The following GABRG3 variants were observed in gnomAD, a reference collection of about 807,000 sequenced individuals.
GABRG3 encodes gamma-aminobutyric acid type A receptor subunit gamma3.
GABRG3 carries 25 observed loss-of-function variants against 48.8 expected under a neutral mutation model. That is an observed-to-expected ratio of 0.51 (90% CI 0.37 to 0.72). The LOEUF (loss-of-function observed/expected upper bound fraction) is 0.72, where lower values mean the gene tolerates loss of function less well. Among genes scored for constraint, GABRG3 ranks in the 30% least tolerant of loss-of-function variants. The pLI is 0.00. For synonymous variants in GABRG3, 227 were observed against 217.6 expected (o/e 1.04, Z -0.38); for missense variants, 394 against 577.9 (o/e 0.68, Z 3.26).
intron 5 of GABRG3, among the ~76,000 whole-genome samples, chr15:27,402,219 T>G (rs985074722): frequency 6.6e-6 from 1 of 152,190 alleles, no homozygotes; most frequent in Non-Finnish European, 1.5e-5. Flanking sequence ...ATGTGATGGG[T>G]ATTTCAGAGT....
intron 2 of GABRG3, 90 bp downstream of exon 2, chr15:26,977,240 T>C (rs905455329): frequency 1.5e-5 from 20 of 1,355,714 alleles, no homozygotes; most frequent in East Asian, 6.9e-5. Context: ...TCCAAGAGTA[T>C]TGCAAAGATA....
At chr15:27,142,021 T>C (rs1231366374) in intron 3 of GABRG3, among the ~76,000 whole-genome samples, 1 of 152,226 alleles carries the variant, frequency 6.6e-6, no homozygotes, top group African/African-American at 2.4e-5. Context: ...AAGAATTGAG[T>C]GGAAAAGTTT....
intron 3 of GABRG3, among the ~76,000 whole-genome samples, chr15:27,260,685 G>A (rs1350165775): frequency 6.6e-6 from 1 of 152,170 alleles, no homozygotes; most frequent in Non-Finnish European, 1.5e-5. Context: ...ATGATTGTAT[G>A]TTCAAGGACT....
chr15:27,218,996 C>T (rs76555223), intron 3 of GABRG3, among the ~76,000 whole-genome samples: 2,560 of 152,204 alleles, frequency 0.017, 77 homozygotes, highest in African/African-American at 0.057. Context: ...CTGGCCATAC[C>T]GGGGTCTGGG....
chr15:27,336,443 A>G (rs759120470), intron 5 of GABRG3, among the ~76,000 whole-genome samples: 1 of 152,204 alleles, frequency 6.6e-6, no homozygotes, highest in African/African-American at 2.4e-5. Context: ...ATCAGCTATT[A>G]TTAATAGTAA....
At chr15:26,996,827 T>G (rs957086704) in intron 2 of GABRG3, among the ~76,000 whole-genome samples, 2 of 151,808 alleles carry the variant, frequency 1.3e-5, no homozygotes, top group Non-Finnish European at 2.9e-5. Flanking sequence ...TGTTTTTGTA[T>G]TTTTTTAGTA....
chr15:27,509,019 G>A (rs1323402051), intron 6 of GABRG3, among the ~76,000 whole-genome samples: 1 of 152,062 alleles, frequency 6.6e-6, no homozygotes, highest in Non-Finnish European at 1.5e-5. Context: ...GTGCCCGGCT[G>A]AATTCCCTCA....
intron 5 of GABRG3, among the ~76,000 whole-genome samples, chr15:27,392,995 C>A (rs1470092603): frequency 1.3e-5 from 2 of 151,982 alleles, no homozygotes; most frequent in African/African-American, 4.8e-5. Flanking sequence ...TTTCTCCAAT[C>A]CTAGAACTAG....
At chr15:27,508,244 A>T (rs1041249760) in intron 6 of GABRG3, among the ~76,000 whole-genome samples, 4 of 152,094 alleles carry the variant, frequency 2.6e-5, no homozygotes, top group Non-Finnish European at 5.9e-5. Context: ...CCCTCTTGCT[A>T]CTTTGATTAC....
At chr15:27,325,595 A>G (rs1250698838) in intron 3 of GABRG3, among the ~76,000 whole-genome samples, 3 of 152,168 alleles carry the variant, frequency 2.0e-5, no homozygotes, top group Non-Finnish European at 2.9e-5. Flanking sequence ...TTTTGTGTGC[A>G]GTGTAAATGA....
chr15:27,283,537 GCAGTTGCAGTGGGCAGAGATGGCACA>G (rs1566993037), intron 3 of GABRG3, among the ~76,000 whole-genome samples: 2 of 152,182 alleles, frequency 1.3e-5, no homozygotes, highest in African/African-American at 4.8e-5. Context: ...CCGGGAGGCC[GCAGTTGCAGTGGGCAGAGATGGCACA>G]CAGTTGCACT....
chr15:27,474,191 C>T lies in GABRG3; in HGVS notation c.575-6459C>T, dbSNP rs114084069. Among the ~76,000 whole-genome samples, 692 of 152,200 alleles carry T rather than the reference C, an allele frequency of 4.5e-3. 6 individuals are homozygous for T. Among genetic ancestry groups the T allele is most frequent in the African/African-American group, 0.016 (654 of 41,528 alleles). On this transcript the variant is annotated intron_variant, in intron 5 of 9. Transcript: ENST00000615808. Reference sequence around the variant, plus strand: ...TCCTAAACACAGGCATTTTCTTCTTCAAAAATTTGGTGACAAGTAGTATTT... The same window carrying T: ...TCCTAAACACAGGCATTTTCTTCTTTAAAAATTTGGTGACAAGTAGTATTT...
intron 5 of GABRG3, among the ~76,000 whole-genome samples, chr15:27,356,308 C>T (rs1029809042): frequency 6.6e-6 from 1 of 152,142 alleles, no homozygotes; most frequent in Non-Finnish European, 1.5e-5. Context: ...CAAAGTTGAC[C>T]TCTCACAACT....
At chr15:27,032,101 C>G (rs1312939405) in intron 3 of GABRG3, among the ~76,000 whole-genome samples, 2 of 152,166 alleles carry the variant, frequency 1.3e-5, no homozygotes, top group African/African-American at 4.8e-5. Flanking sequence ...TTTATTTCTT[C>G]CTTTGCACTC....
intron 6 of GABRG3, among the ~76,000 whole-genome samples, chr15:27,485,956 T>C (rs1366352776): frequency 1.3e-5 from 2 of 152,236 alleles, no homozygotes; most frequent in Non-Finnish European, 2.9e-5. Context: ...GGTTAATCCA[T>C]ATCTTTGCCA....
chr15:27,533,035 C>T lies in GABRG3; in HGVS notation c.*154C>T. On this transcript the variant is annotated 3_prime_UTR_variant, in exon 10 of 10. Coordinates refer to ENST00000615808, the MANE Select transcript of GABRG3 (RefSeq NM_033223.5). ...TTTCAGCAACACAGGAAGTACCCAG[C>T]AAAGGTTTCTATTATGTATTTTACA... is the stretch of plus-strand genomic sequence containing the variant. 3 of 653,340 alleles carry T rather than the reference C, an allele frequency of 4.6e-6. No individual in the cohort carries two copies. The East Asian group carries it at 8.2e-5, about 18-fold the overall frequency. 40.5% of individuals were successfully genotyped at this position (653,340 alleles called of 1,614,324 possible).
chr15:27,231,146 G>A (rs1186104103), intron 3 of GABRG3, among the ~76,000 whole-genome samples: 2 of 151,640 alleles, frequency 1.3e-5, no homozygotes, highest in Non-Finnish European at 2.9e-5. Context: ...TCAAACCTAC[G>A]TTTTTAGGTA....
At chr15:27,415,420 GC>G (rs1436098862) in intron 5 of GABRG3, among the ~76,000 whole-genome samples, 16 of 151,684 alleles carry the variant, frequency 1.1e-4, no homozygotes, top group Non-Finnish European at 2.2e-4. Flanking sequence ...TGCTTATATC[GC>G]CCATCTGTTC....
At chr15:27,339,925 TCCTC>T (rs1818522121) in intron 5 of GABRG3, among the ~76,000 whole-genome samples, 1 of 152,106 alleles carries the variant, frequency 6.6e-6, no homozygotes, top group South Asian at 2.1e-4. Context: ...TCGTGCCCCT[TCCTC>T]AAACATCCCA....
Sources: gnomAD v4.1 joint callset for allele counts (sites outside exome capture counted in the v4.1 genomes callset) on GRCh38, gnomAD v4.1.1 for gene constraint, MANE v1.5 for transcripts, NCBI Gene and HGNC (gene_info 2026-07-23, HGNC 2026-07-21) for gene names.